The following PACRG variants were observed in gnomAD, a reference collection of about 807,000 sequenced individuals.
The protein encoded by PACRG is parkin coregulated, also known as parkin coregulated gene protein.
Under a neutral mutation model 29.7 loss-of-function variants are expected in PACRG, and 29 were observed. That is an observed-to-expected ratio of 0.98 (90% CI 0.73 to 1.33). PACRG has a LOEUF of 1.33. Ranked by LOEUF, PACRG falls within the 40% of genes most tolerant of loss-of-function variation. PACRG has a pLI of 0.00. For missense variants in PACRG, 279 were observed against 316.2 expected, an observed-to-expected ratio of 0.88 and a Z score of 0.89; for synonymous variants, 116 against 118.7, an observed-to-expected ratio of 0.98 and a Z score of 0.15.
Position 162,870,395 on chromosome 6 carries a change from C to A in PACRG, c.291+56114C>A, listed in dbSNP as rs369681900. ...CCTCATTCACTTACCAGTGTGATTTCTTGCTACCACACGTACATTTCTTCT... is the reference window on the plus strand; with the variant it reads ...CCTCATTCACTTACCAGTGTGATTTATTGCTACCACACGTACATTTCTTCT... On this transcript the variant is annotated intron_variant, in intron 2 of 4. Coordinates refer to ENST00000366888, the MANE Select transcript of PACRG (RefSeq NM_001080379.2). Among the ~76,000 whole-genome samples the A allele has an allele frequency of 3.3e-5, 5 of 152,200 alleles. No individual in the cohort carries two copies. In the East Asian group the frequency reaches 7.7e-4, roughly 23 times the overall value.
intron 2 of PACRG, among the ~76,000 whole-genome samples, chr6:162,956,963 T>G (rs2128138175): frequency 6.6e-6 from 1 of 152,270 alleles, no homozygotes; most frequent in African/African-American, 2.4e-5. Context: ...TACTGCATTT[T>G]TAATGTAGGT....
chr6:162,802,212 C>T (rs952160791), intron 1 of PACRG, among the ~76,000 whole-genome samples: 4 of 151,914 alleles, frequency 2.6e-5, no homozygotes, highest in African/African-American at 4.8e-5. Flanking sequence ...TATTTTTCCC[C>T]GCTCGTACTA....
At chr6:162,739,841 TAAAAAAAAAAAAA>T (rs34535656) in intron 1 of PACRG, among the ~76,000 whole-genome samples, 1 of 130,156 alleles carries the variant, frequency 7.7e-6, no homozygotes, top group Admixed American at 7.8e-5. Context: ...GCTCCATCTT[TAAAAAAAAAAAAA>T]AAAAAAAAAA....
At chr6:163,303,116 A>C (rs1785064176) in intron 4 of PACRG, among the ~76,000 whole-genome samples, 1 of 152,182 alleles carries the variant, frequency 6.6e-6, no homozygotes, top group Non-Finnish European at 1.5e-5. Context: ...GGATGACTTA[A>C]GTCGAGACGT....
chr6:162,816,815 AG>A (rs1787390113), intron 2 of PACRG, among the ~76,000 whole-genome samples: 1 of 152,172 alleles, frequency 6.6e-6, no homozygotes, highest in South Asian at 2.1e-4. Flanking sequence ...TGAAGGAAGC[AG>A]GGCGATCCGT....
At chr6:162,997,698 G>A (rs1283236309) in intron 2 of PACRG, among the ~76,000 whole-genome samples, 1 of 152,222 alleles carries the variant, frequency 6.6e-6, no homozygotes, top group East Asian at 1.9e-4. Context: ...TAATCAGCCA[G>A]GAATGGGAGT....
At chr6:163,220,866 T>C (rs1485265577) in intron 4 of PACRG, among the ~76,000 whole-genome samples, 1 of 152,104 alleles carries the variant, frequency 6.6e-6, no homozygotes, top group African/African-American at 2.4e-5. Flanking sequence ...CCTCACAACA[T>C]CCCTATGAGG....
intron 4 of PACRG, among the ~76,000 whole-genome samples, chr6:163,313,113 C>CATAT (rs570601263): frequency 1.4e-3 from 209 of 149,686 alleles, no homozygotes; most frequent in South Asian, 6.8e-3. Context: ...TATATATATA[C>CATAT]ATATATATAT....
Position 162,861,558 on chromosome 6 carries a change from C to T in PACRG, c.291+47277C>T, listed in dbSNP as rs112514709. Among the ~76,000 whole-genome samples the T allele has an allele frequency of 6.3e-3, 951 of 152,146 alleles. 12 individuals are homozygous for T. Among genetic ancestry groups the T allele is most frequent in the African/African-American group, 0.022 (908 of 41,512 alleles). On this transcript the variant is annotated intron_variant, in intron 2 of 4. Transcript: ENST00000366888. Reference sequence around the variant, plus strand: ...AGGTGTTCTTAGCTACCTATCAAAGCGAAAGCAACTGAGACCCTGAGTGAA... The same window carrying T: ...AGGTGTTCTTAGCTACCTATCAAAGTGAAAGCAACTGAGACCCTGAGTGAA...
chr6:163,009,578 C>T (rs772294230), intron 2 of PACRG, among the ~76,000 whole-genome samples: 66 of 152,148 alleles, frequency 4.3e-4, no homozygotes, highest in Non-Finnish European at 6.2e-4. Context: ...CTGCATAGAT[C>T]CTTTCCAGGA....
chr6:162,783,251 G>A lies in PACRG; in HGVS notation c.157-30896G>A, dbSNP rs1047894620. Reference sequence around the variant, plus strand: ...GAAAATATATTTGTTTAAAGTAAAAGTGAGGACATTTGAGCTAATCTAATT... The same window carrying A: ...GAAAATATATTTGTTTAAAGTAAAAATGAGGACATTTGAGCTAATCTAATT... On this transcript the variant is annotated intron_variant, in intron 1 of 4. Coordinates refer to ENST00000366888, the MANE Select transcript of PACRG (RefSeq NM_001080379.2). 2.6e-5 allele frequency among the ~76,000 whole-genome samples: 4 copies of A among 151,876 alleles called. No homozygotes were observed. The East Asian group carries it at 7.7e-4, about 29-fold the overall frequency.
chr6:162,954,044 T>C (rs1166252810), intron 2 of PACRG, among the ~76,000 whole-genome samples: 3 of 152,216 alleles, frequency 2.0e-5, no homozygotes, highest in Non-Finnish European at 4.4e-5. Context: ...TATTTGCTAA[T>C]TGAGTAGTAA....
intron 2 of PACRG, among the ~76,000 whole-genome samples, chr6:162,883,099 T>C (rs1794037558): frequency 6.6e-6 from 1 of 152,266 alleles, no homozygotes; most frequent in African/African-American, 2.4e-5. Context: ...TGAAACTAAT[T>C]TTTAAATGAT....
At chr6:163,077,389 T>C (rs1812646421) in intron 3 of PACRG, among the ~76,000 whole-genome samples, 2 of 151,954 alleles carry the variant, frequency 1.3e-5, no homozygotes, top group South Asian at 2.1e-4. Flanking sequence ...CGAGGTGAGG[T>C]CATCCGGCAG....
intron 2 of PACRG, among the ~76,000 whole-genome samples, chr6:162,890,814 A>G (rs1161886897): frequency 6.6e-6 from 1 of 152,112 alleles, no homozygotes; most frequent in African/African-American, 2.4e-5. Flanking sequence ...GCAATGAGGT[A>G]TGCTCTACCC....
At chr6:162,966,704 C>A (rs993760080) in intron 2 of PACRG, among the ~76,000 whole-genome samples, 14 of 152,052 alleles carry the variant, frequency 9.2e-5, no homozygotes, top group African/African-American at 2.9e-4. Context: ...TCTCGATCTC[C>A]TGACCTCGTG....
At chr6:163,067,506 A>G (rs1377504537) in intron 3 of PACRG, among the ~76,000 whole-genome samples, 1 of 152,246 alleles carries the variant, frequency 6.6e-6, no homozygotes, top group Non-Finnish European at 1.5e-5. Flanking sequence ...ATTAAAATAG[A>G]TAGTATGCAT....
intron 4 of PACRG, among the ~76,000 whole-genome samples, chr6:163,248,983 T>G (rs1398565186): frequency 7.5e-6 from 1 of 133,802 alleles, no homozygotes; most frequent in Non-Finnish European, 1.5e-5. Flanking sequence ...GCCACTGCAC[T>G]CCAGCCTGGG....
At chr6:162,906,036 GA>G (rs1175453738) in intron 2 of PACRG, among the ~76,000 whole-genome samples, 2 of 151,836 alleles carry the variant, frequency 1.3e-5, no homozygotes, top group Non-Finnish European at 2.9e-5. Context: ...TTTTGATACA[GA>G]AAAAAAGGGG....
Sources: gnomAD v4.1 joint callset for allele counts (sites outside exome capture counted in the v4.1 genomes callset) on GRCh38, gnomAD v4.1.1 for gene constraint, MANE v1.5 for transcripts, NCBI Gene and HGNC (gene_info 2026-07-23, HGNC 2026-07-21) for gene names.